RPH3AL: variants seen among roughly 807,000 people sequenced by gnomAD.
The protein encoded by RPH3AL is rabphilin 3A like (without C2 domains).
In RPH3AL, 38 loss-of-function variants were observed where a neutral mutation model predicts 43.1. That is an observed-to-expected ratio of 0.88 (90% CI 0.68 to 1.15). The LOEUF is 1.15. RPH3AL is among the 50% of genes most tolerant of loss of function. The pLI is 0.00. For missense variants in RPH3AL, 462 were observed against 423.2 expected, an observed-to-expected ratio of 1.09 and a Z score of -0.81; for synonymous variants, 189 against 176.3, an observed-to-expected ratio of 1.07 and a Z score of -0.57.
At chr17:227,638 G>A (rs557980779) in intron 7 of RPH3AL, among the ~76,000 whole-genome samples, 46 of 152,294 alleles carry the variant, frequency 3.0e-4, no homozygotes, top group Admixed American at 2.2e-3. Context: ...GGTGGAGACA[G>A]CCCTGGTGCC....
intron 5 of RPH3AL, among the ~76,000 whole-genome samples, chr17:314,732 A>G (rs1048888399): frequency 1.2e-3 from 164 of 136,644 alleles, no homozygotes; most frequent in Middle Eastern, 4.5e-3. Flanking sequence ...ACTGACCTGT[A>G]GTCTCTGTGC....
At chr17:219,448 C>T (rs1170206188) in intron 8 of RPH3AL, among the ~76,000 whole-genome samples, 175 bp downstream of exon 8, 3 of 151,208 alleles carry the variant, frequency 2.0e-5, no homozygotes, top group Admixed American at 6.6e-5. Context: ...CTGCCCACCC[C>T]GGCCTCCTAA....
chr17:224,416 C>T (rs1318486544), intron 7 of RPH3AL, among the ~76,000 whole-genome samples: 1 of 152,240 alleles, frequency 6.6e-6, no homozygotes, highest in Non-Finnish European at 1.5e-5. Flanking sequence ...GCCCAGAATG[C>T]CCTGCCCACC....
intron 5 of RPH3AL, among the ~76,000 whole-genome samples, chr17:301,995 G>C (rs2043340708): frequency 6.6e-6 from 1 of 152,204 alleles, no homozygotes; most frequent in South Asian, 2.1e-4. Flanking sequence ...CCCCCACCCT[G>C]ACTTCCTCCC....
At chr17:262,373 G>A (rs1283089556) in intron 6 of RPH3AL, among the ~76,000 whole-genome samples, 1 of 152,044 alleles carries the variant, frequency 6.6e-6, no homozygotes, top group Non-Finnish European at 1.5e-5. Context: ...CCGCCACCAG[G>A]CCCGGCTAAT....
chr17:324,702 G>GCTAGCTAGCTAGCTAGCTAGCTAT (rs1301592247), intron 3 of RPH3AL, among the ~76,000 whole-genome samples: 4 of 119,818 alleles, frequency 3.3e-5, no homozygotes, highest in African/African-American at 1.2e-4. Context: ...TAGCTAGCTA[G>GCTAGCTAGCTAGCTAGCTAGCTAT]CTATGTACCT....
chr17:262,666 G>T (rs1397106976), intron 6 of RPH3AL, among the ~76,000 whole-genome samples: 1 of 152,158 alleles, frequency 6.6e-6, no homozygotes, highest in Non-Finnish European at 1.5e-5. Flanking sequence ...CTGTGACCCA[G>T]CTCTTGCAGG....
At chr17:303,284 G>A (rs976912218) in intron 5 of RPH3AL, among the ~76,000 whole-genome samples, 13 of 152,056 alleles carry the variant, frequency 8.5e-5, no homozygotes, top group Non-Finnish European at 1.2e-4. Flanking sequence ...CCAGCTGCCC[G>A]GGAGGCTGAG....
rs948633265 is a variant in RPH3AL at position 289,295 on chromosome 17, G to A, written c.352-7441C>T. 6.6e-6 allele frequency among the ~76,000 whole-genome samples: 1 copy of A among 152,140 alleles called. No individual in the cohort carries two copies. Among genetic ancestry groups the A allele is most frequent in the Middle Eastern group, 3.2e-3 (1 of 316 alleles). ...TTATAGCCATGCCTGTCTCAGTGAAGGCAGCCAGCATCCATCAGTCACACA... is the reference window on the plus strand; with the variant it reads ...TTATAGCCATGCCTGTCTCAGTGAAAGCAGCCAGCATCCATCAGTCACACA... On this transcript the variant is annotated intron_variant, in intron 5 of 9. Transcript: ENST00000331302. The surrounding 1 kb of genome is among the most constrained non-coding windows in gnomAD (Gnocchi z 5.2).
intron 5 of RPH3AL, among the ~76,000 whole-genome samples, chr17:316,946 ACCTG>A: frequency 7.9e-6 from 1 of 125,806 alleles, no homozygotes; most frequent in Non-Finnish European, 1.6e-5. Context: ...ACCTCCATTG[ACCTG>A]TAGTCTCTCT....
At chr17:324,213 G>A (rs145120144) in intron 3 of RPH3AL, among the ~76,000 whole-genome samples, 322 of 152,334 alleles carry the variant, frequency 2.1e-3, no homozygotes, top group African/African-American at 7.1e-3. Flanking sequence ...TCCAGCAGCT[G>A]CTGACAGCCC....
At chr17:319,666 T>A (rs2044405174) in intron 4 of RPH3AL, 117 bp from the exon 5 acceptor site, 1 of 1,259,144 alleles carries the variant, frequency 7.9e-7, no homozygotes, top group African/African-American at 1.5e-5. Flanking sequence ...ATATTGTTCC[T>A]TGCCCCGCCC....
chr17:340,408 G>C lies in RPH3AL; in HGVS notation c.-212-6474C>G, dbSNP rs1339292095. On this transcript the variant is annotated intron_variant, in intron 1 of 9. Transcript: ENST00000331302. ...TCCCCACATCCACACTCACTGCCCC[G>C]GGCTCAGGCCTCCCCACATCCATAC... Among the ~76,000 whole-genome samples, 73 of 114,130 alleles carry C rather than the reference G, an allele frequency of 6.4e-4. 3 individuals carry two copies. Among genetic ancestry groups the C allele is most frequent in the African/African-American group, 2.4e-3 (61 of 25,350 alleles). The allele number at this position is 114,130 out of a possible 152,430, so 74.9% of individuals were successfully genotyped here.
intron 5 of RPH3AL, among the ~76,000 whole-genome samples, chr17:292,131 T>A (rs7501992): frequency 6.6e-6 from 1 of 152,120 alleles, no homozygotes; most frequent in East Asian, 1.9e-4. Flanking sequence ...TGTGGCTCAA[T>A]TGTAATCAGG....
In RPH3AL at chr17:333,040, C is replaced by T; in HGVS notation, c.-37+719G>A. ...ACTTCCTGAGACAGATCGGTAAAAA[C>T]AACCCCTTCTTCCAGGAGGATGCAA... is the stretch of plus-strand genomic sequence containing the variant. On this transcript the variant is annotated intron_variant, in intron 2 of 9. Transcript: ENST00000331302. The surrounding 1 kb of genome is among the most constrained non-coding windows in gnomAD (Gnocchi z 4.5). 2 of 1,289,160 alleles carry T rather than the reference C, an allele frequency of 1.6e-6. No individual in the cohort carries two copies. Among genetic ancestry groups the T allele is most frequent in the African/African-American group, 1.5e-5 (1 of 65,966 alleles). The allele number at this position is 1,289,160 out of a possible 1,614,324, so 79.9% of individuals were successfully genotyped here.
At chr17:331,460 C>T in intron 2 of RPH3AL, 2 of 810,194 alleles carry the variant, frequency 2.5e-6, no homozygotes, top group East Asian at 6.5e-5. Flanking sequence ...AGAATTCAGG[C>T]CCCGGCTCTG....
intron 6 of RPH3AL, among the ~76,000 whole-genome samples, chr17:254,459 T>C (rs2042009330): frequency 7.0e-5 from 1 of 14,336 alleles, no homozygotes; most frequent in Non-Finnish European, 1.1e-4. Flanking sequence ...ACGGCGTCTG[T>C]CCTTTTCCGT....
At chr17:214,079 C>T (rs140235773) in intron 9 of RPH3AL, among the ~76,000 whole-genome samples, 156 bp from the exon 10 acceptor site, 1 of 152,214 alleles carries the variant, frequency 6.6e-6, no homozygotes. Context: ...TCGAGACCAG[C>T]ACCGCTCTGC....
chr17:298,777 G>C (rs953345704), intron 5 of RPH3AL, among the ~76,000 whole-genome samples: 2 of 152,026 alleles, frequency 1.3e-5, no homozygotes, highest in African/African-American at 4.8e-5. Context: ...AAATACAGCA[G>C]ACTAGACAAA....
Sources: gnomAD v4.1 joint callset for allele counts (sites outside exome capture counted in the v4.1 genomes callset) on GRCh38, gnomAD v4.1.1 for gene constraint, Gnocchi (gnomAD v3.1) non-coding constraint, MANE v1.5 for transcripts, NCBI Gene and HGNC (gene_info 2026-07-23, HGNC 2026-07-21) for gene names.